AGFG1: variants seen among roughly 807,000 people sequenced by gnomAD.
The protein encoded by AGFG1 is ArfGAP with FG repeats 1.
AGFG1 carries 10 observed loss-of-function variants against 60.6 expected under a neutral mutation model. That is an observed-to-expected ratio of 0.16 (90% confidence interval 0.10 to 0.28). AGFG1 has a LOEUF of 0.28. Among genes scored for constraint, AGFG1 ranks in the 10% least tolerant of loss-of-function variants. The pLI, the probability that AGFG1 is intolerant of heterozygous loss-of-function variation, is 1.00. For synonymous variants in AGFG1, 247 were observed against 242.9 expected (o/e 1.02, Z -0.16); for missense variants, 537 against 676.5 (o/e 0.79, Z 2.29).
chr2:227,524,509 C>T (rs1010720892), intron 4 of AGFG1, among the ~76,000 whole-genome samples: 1 of 152,144 alleles, frequency 6.6e-6, no homozygotes, highest in Non-Finnish European at 1.5e-5. Context: ...GGCATTGCAG[C>T]CTCTATCCTA....
intron 1 of AGFG1, among the ~76,000 whole-genome samples, chr2:227,490,838 T>A (rs1690793609): frequency 6.6e-6 from 1 of 152,188 alleles, no homozygotes; most frequent in Non-Finnish European, 1.5e-5. Flanking sequence ...CAAGGTAAAG[T>A]CCTTTTAAGG....
At chr2:227,508,343 T>G (rs1410531401) in intron 2 of AGFG1, 3 of 236,670 alleles carry the variant, frequency 1.3e-5, no homozygotes, top group African/African-American at 6.7e-5. Flanking sequence ...ATGATATCCT[T>G]AAACCATAGA....
rs915136378 is a variant in AGFG1 at position 227,558,312 on chromosome 2, G to A, written c.*3817G>A. 3.3e-5 allele frequency: 5 copies of A among 151,442 alleles called. No homozygotes were observed. The highest frequency in any genetic ancestry group is 6.6e-5 in the Admixed American group (1 of 15,196). The allele number at this position is 151,442 out of a possible 1,614,324, so 9.4% of individuals were successfully genotyped here. On this transcript the variant is annotated 3_prime_UTR_variant, in exon 13 of 13. Coordinates refer to ENST00000310078, the MANE Select transcript of AGFG1 (RefSeq NM_004504.5). The stretch of plus-strand genomic sequence containing the variant: ...ATTTTGAAATTCTGAACAAGTTAAC[G>A]TTCTTGTCTTGTATATCTAAAAAAA...
At chr2:227,486,908 G>C (rs1690657135) in intron 1 of AGFG1, among the ~76,000 whole-genome samples, 1 of 152,192 alleles carries the variant, frequency 6.6e-6, no homozygotes, top group Admixed American at 6.5e-5. Context: ...GTAGAGCCAG[G>C]AATGCAGATG....
rs1342734714 is a variant in AGFG1 at position 227,536,887 on chromosome 2, A to G, written c.1286-14A>G. On this transcript the variant is annotated splice_polypyrimidine_tract_variant and intron_variant, in intron 9 of 12. Transcript: ENST00000310078. ...GTATTAGGATTTTATAGTGTATTTT[A>G]TAATTTTTTAAAGCTACGCCTTCCA... The G allele has an allele frequency of 1.2e-6, 2 of 1,607,312 alleles. No individual in the cohort carries two copies. Among genetic ancestry groups the G allele is most frequent in the South Asian group, 2.2e-5 (2 of 89,878 alleles).
At chr2:227,507,117 A>G (rs1484750340) in intron 2 of AGFG1, among the ~76,000 whole-genome samples, 1 of 152,164 alleles carries the variant, frequency 6.6e-6, no homozygotes, top group African/African-American at 2.4e-5. Context: ...TTTTCCAAGT[A>G]CAGTTTGGGA....
intron 2 of AGFG1, among the ~76,000 whole-genome samples, chr2:227,502,660 G>A (rs1228218107): frequency 6.6e-6 from 1 of 152,100 alleles, no homozygotes; most frequent in Non-Finnish European, 1.5e-5. Flanking sequence ...GCAAGCGGAA[G>A]TTTTGTCATT....
Position 227,534,886 on chromosome 2 carries a change from C to T in AGFG1, c.1066C>T (p.Pro356Ser), listed in dbSNP as rs1352514961. The T allele has an allele frequency of 6.2e-7, 1 of 1,613,686 alleles. No individual in the cohort carries two copies. The highest frequency in any genetic ancestry group is 8.5e-7 in the Non-Finnish European group (1 of 1,179,838). ...TGGCTTTGGGACCACAGGTAAAGCT[C>T]CTGTTGGTTCTGTGGTTTCAGTTCC... ...GSGFGTTGKAPVGSVVSVPSQ... is the reference protein window; with the variant it reads ...GSGFGTTGKASVGSVVSVPSQ... The change falls in exon 8 of 13, where the codon CCT becomes TCT. Residue 356 changes from proline to serine, a missense_variant. Transcript: ENST00000310078.
chr2:227,483,457 A>AAAAAC (rs1690528609), intron 1 of AGFG1, among the ~76,000 whole-genome samples: 2 of 152,202 alleles, frequency 1.3e-5, no homozygotes, highest in African/African-American at 4.8e-5. Context: ...AGAACATGCA[A>AAAAAC]GTTTTCCATC....
intron 10 of AGFG1, among the ~76,000 whole-genome samples, chr2:227,538,310 C>T (rs994506687): frequency 2.6e-5 from 4 of 152,162 alleles, no homozygotes; most frequent in African/African-American, 9.7e-5. Context: ...TTGAGTACAG[C>T]CAGCCAAACT....
intron 1 of AGFG1, 67 bp downstream of exon 1, chr2:227,472,655 C>T (rs1254748503): frequency 6.7e-6 from 10 of 1,498,850 alleles, no homozygotes; most frequent in East Asian, 2.9e-5. Flanking sequence ...GCGGCGGGAC[C>T]GGGACCCTTC....
rs115846361 is a variant in AGFG1 at position 227,524,105 on chromosome 2, T to C, written c.540+180T>C. On this transcript the variant is annotated intron_variant, in intron 4 of 12. Transcript: ENST00000310078. ...GTTGAAATGTATATATACTTGTTCT[T>C]TTTGCTATTGCTAATATGAGTTTCT... is the stretch of plus-strand genomic sequence containing the variant. Among the ~76,000 whole-genome samples, 440 of 152,120 alleles carry C rather than the reference T, an allele frequency of 2.9e-3. 4 individuals are homozygous for C. The highest frequency in any genetic ancestry group is 0.01 in the African/African-American group (425 of 41,490).
chr2:227,547,208 A>G (rs1448683320), intron 10 of AGFG1, among the ~76,000 whole-genome samples: 1 of 152,214 alleles, frequency 6.6e-6, no homozygotes, highest in Non-Finnish European at 1.5e-5. Context: ...ATACTCAGGA[A>G]GTGAGGATTA....
chr2:227,536,705 G>C lies in AGFG1; in HGVS notation c.1285+1G>C. 13 of 1,613,586 alleles carry C rather than the reference G, an allele frequency of 8.1e-6. No homozygotes were observed. The highest frequency in any genetic ancestry group is 1.1e-5 in the Non-Finnish European group (13 of 1,179,742). ...TCAAGTGTGCCTGCTCCATTTGGAG[G>C]TATGTGCTTCTGGTATATACACTGG... On this transcript the variant is annotated splice_donor_variant, in intron 9 of 12. Coordinates refer to ENST00000310078, the MANE Select transcript of AGFG1 (RefSeq NM_004504.5). LOFTEE classifies it high-confidence loss of function.
chr2:227,527,773 CAT>C (rs1296690987), intron 5 of AGFG1, among the ~76,000 whole-genome samples: 1 of 152,054 alleles, frequency 6.6e-6, no homozygotes, highest in Non-Finnish European at 1.5e-5. Context: ...TATTTTGGCA[CAT>C]GTGTATGAGG....
intron 2 of AGFG1, among the ~76,000 whole-genome samples, chr2:227,491,991 G>C (rs2106169744): frequency 6.6e-6 from 1 of 152,230 alleles, no homozygotes; most frequent in East Asian, 1.9e-4. Context: ...TGTTAAACTT[G>C]TTAGAGTGTT....
chr2:227,489,032 C>T (rs536752195), intron 1 of AGFG1, among the ~76,000 whole-genome samples: 1 of 152,108 alleles, frequency 6.6e-6, no homozygotes, highest in Admixed American at 6.5e-5. Context: ...CCAGGCTGAT[C>T]TCGAACTCCT....
chr2:227,504,902 T>A (rs1277701729), intron 2 of AGFG1, among the ~76,000 whole-genome samples: 1 of 152,210 alleles, frequency 6.6e-6, no homozygotes, highest in East Asian at 1.9e-4. Flanking sequence ...GTGTGTTTTC[T>A]GAAGTTGTTG....
chr2:227,491,930 T>C (rs929406305), intron 2 of AGFG1, among the ~76,000 whole-genome samples: 3 of 152,312 alleles, frequency 2.0e-5, no homozygotes, highest in African/African-American at 7.2e-5. Context: ...TTATTGTTAG[T>C]CTTCGCTTCA....
Sources: allele counts gnomAD v4.1 joint callset (sites outside exome capture counted in the v4.1 genomes callset), GRCh38; gene constraint gnomAD v4.1.1; transcripts MANE v1.5; gene names NCBI Gene and HGNC (gene_info 2026-07-23, HGNC 2026-07-21).